Variants in RFTN1 observed in about 807,000 individuals in gnomAD.
RFTN1 encodes the protein raftlin.
A neutral mutation model predicts 46.5 loss-of-function variants in RFTN1; 26 were observed. The observed-to-expected ratio is 0.56, with a 90% CI of 0.41 to 0.78. The LOEUF (loss-of-function observed/expected upper bound fraction) is 0.78, where lower values mean the gene tolerates loss of function less well. RFTN1 is among the 30% of genes least tolerant of loss of function. RFTN1 has a pLI of 0.00. For missense variants in RFTN1, 693 were observed against 718.7 expected (o/e 0.96, Z 0.41); for synonymous variants, 261 against 284.2 (o/e 0.92, Z 0.82).
rs1253725811 is a variant in RFTN1 at position 16,474,982 on chromosome 3, G to A, written c.145+18743C>T. On this transcript the variant is annotated intron_variant, in intron 2 of 9. Coordinates refer to ENST00000334133, the MANE Select transcript of RFTN1 (RefSeq NM_015150.2). The surrounding 1 kb of genome is among the most constrained non-coding windows in gnomAD (Gnocchi z 5.5). ...TATTTGATCTCCCACGTTGGAGGTG[G>A]GGCCTAGTGGGAGGTGTTTGGGTCA... Among the ~76,000 whole-genome samples, 4 of 152,186 alleles carry A rather than the reference G, an allele frequency of 2.6e-5. No homozygotes were observed. Among genetic ancestry groups the A allele is most frequent in the Non-Finnish European group, 5.9e-5 (4 of 68,032 alleles).
chr3:16,351,746 A>G lies in RFTN1; in HGVS notation c.1146+6186T>C, dbSNP rs920919791. 6.6e-6 allele frequency among the ~76,000 whole-genome samples: 1 copy of G among 152,208 alleles called. No homozygotes were observed. The highest frequency in any genetic ancestry group is 2.4e-5 in the African/African-American group (1 of 41,454). The stretch of plus-strand genomic sequence containing the variant: ...ATTTAAATGATTTAAAAGCATATAA[A>G]CTATAAGTGCAAAAACAAGTTGTTT... On this transcript the variant is annotated intron_variant, in intron 7 of 9. Coordinates refer to ENST00000334133, the MANE Select transcript of RFTN1 (RefSeq NM_015150.2). This position sits in a 1 kb window ranked among gnomAD's most constrained non-coding sequence, Gnocchi z 5.4.
At position 16,475,411 on chromosome 3, in the gene RFTN1, G is replaced by A. The variant is rs972402699; in HGVS notation, c.145+18314C>T. On this transcript the variant is annotated intron_variant, in intron 2 of 9. Coordinates refer to ENST00000334133, the MANE Select transcript of RFTN1 (RefSeq NM_015150.2). The surrounding 1 kb of genome is among the most constrained non-coding windows in gnomAD (Gnocchi z 4.2). The stretch of plus-strand genomic sequence containing the variant: ...CAAGAGAGGAATGCTTCCTCCAGGA[G>A]ACACTGCAATGGTTTTACTGAACTA... 1.3e-5 allele frequency among the ~76,000 whole-genome samples: 2 copies of A among 152,206 alleles called. No individual in the cohort carries two copies. The highest frequency in any genetic ancestry group is 4.8e-5 in the African/African-American group (2 of 41,450).
intron 6 of RFTN1, among the ~76,000 whole-genome samples, chr3:16,366,250 C>G (rs1274643750): frequency 6.6e-6 from 1 of 151,344 alleles, no homozygotes; most frequent in Admixed American, 6.6e-5. Flanking sequence ...AAATCAGCCT[C>G]CTCGCTGGGT....
At chr3:16,430,171 A>G (rs911394370) in intron 3 of RFTN1, among the ~76,000 whole-genome samples, 7 of 152,116 alleles carry the variant, frequency 4.6e-5, no homozygotes, top group African/African-American at 7.2e-5. Flanking sequence ...GAAGTGCAAT[A>G]ACACAGTCAC....
rs540104859 is a variant in RFTN1 at position 16,335,776 on chromosome 3, TAAAA to T, written c.1147-8904_1147-8901del. ...ATCCTGCACTTGCACCCTGGAACTT[TAAAA>T]AAAAAAAAAAAAAAAGGAGTTTGAT... On this transcript the variant is annotated intron_variant, in intron 7 of 9. Transcript: ENST00000334133. This position sits in a 1 kb window ranked among gnomAD's most constrained non-coding sequence, Gnocchi z 4.7. Among the ~76,000 whole-genome samples, 303 of 136,644 alleles carry T rather than the reference TAAAA, an allele frequency of 2.2e-3. 4 individuals are homozygous for T. The highest frequency in any genetic ancestry group is 5.9e-3 in the African/African-American group (222 of 37,772). The allele number at this position is 136,644 out of a possible 152,430, so 89.6% of individuals were successfully genotyped here.
intron 7 of RFTN1, among the ~76,000 whole-genome samples, chr3:16,354,597 TG>T (rs2072309595): frequency 6.6e-6 from 1 of 152,242 alleles, no homozygotes; most frequent in Admixed American, 6.5e-5. Flanking sequence ...TTCGTTGTCT[TG>T]GTGAATAGCA....
intron 2 of RFTN1, among the ~76,000 whole-genome samples, chr3:16,439,357 A>C (rs1226478700): frequency 1.3e-5 from 2 of 152,218 alleles, no homozygotes; most frequent in African/African-American, 4.8e-5. Flanking sequence ...CCTACTTATC[A>C]GAGTAACCTC....
At chr3:16,326,641 T>G in intron 8 of RFTN1, 132 bp downstream of exon 8, 1 of 669,166 alleles carries the variant, frequency 1.5e-6, no homozygotes, top group Non-Finnish European at 2.5e-6. Context: ...TGCTTCCCAG[T>G]GGGAGAGTTT....
intron 2 of RFTN1, among the ~76,000 whole-genome samples, chr3:16,471,744 G>T (rs2076199578): frequency 6.6e-6 from 1 of 152,138 alleles, no homozygotes; most frequent in Admixed American, 6.5e-5. Flanking sequence ...TTATAGCTCT[G>T]TCATGGCACA....
At chr3:16,469,818 TAGGACAA>T (rs563049046) in intron 2 of RFTN1, among the ~76,000 whole-genome samples, 182 of 152,268 alleles carry the variant, frequency 1.2e-3, no homozygotes, top group African/African-American at 4.2e-3. Flanking sequence ...CAGGGGAAGA[TAGGACAA>T]ACAATCACAG....
Position 16,353,881 on chromosome 3 carries a change from A to G in RFTN1, c.1146+4051T>C, listed in dbSNP as rs570977642. On this transcript the variant is annotated intron_variant, in intron 7 of 9. Transcript: ENST00000334133. The surrounding 1 kb of genome is among the most constrained non-coding windows in gnomAD (Gnocchi z 5.4). ...CTTGATCTTGGACTTTTCAGCCTCC[A>G]GAACTGAGAGGAAAGAAATTTCTGT... is the stretch of plus-strand genomic sequence containing the variant. Among the ~76,000 whole-genome samples the G allele has an allele frequency of 1.1e-3, 171 of 152,312 alleles. No individual in the cohort carries two copies. Among genetic ancestry groups the G allele is most frequent in the African/African-American group, 4.0e-3 (167 of 41,568 alleles).
chr3:16,335,776 TAAAAA>T lies in RFTN1; in HGVS notation c.1147-8905_1147-8901del, dbSNP rs540104859. 1.1e-4 allele frequency among the ~76,000 whole-genome samples: 15 copies of T among 136,662 alleles called. No homozygotes were observed. The highest frequency in any genetic ancestry group is 1.6e-4 in the Non-Finnish European group (10 of 62,540). 89.7% of individuals were successfully genotyped at this position (136,662 alleles called of 152,430 possible). On this transcript the variant is annotated intron_variant, in intron 7 of 9. Coordinates refer to ENST00000334133, the MANE Select transcript of RFTN1 (RefSeq NM_015150.2). This position sits in a 1 kb window ranked among gnomAD's most constrained non-coding sequence, Gnocchi z 4.7. ...ATCCTGCACTTGCACCCTGGAACTT[TAAAAA>T]AAAAAAAAAAAAAAGGAGTTTGATC...
intron 6 of RFTN1, among the ~76,000 whole-genome samples, chr3:16,359,034 AAAAAAAAAAAAAAAAAAAG>A (rs2072657249): frequency 7.4e-6 from 1 of 135,910 alleles, no homozygotes; most frequent in Non-Finnish European, 1.6e-5. Flanking sequence ...TCTGTCTCCA[AAAAAAAAAAAAAAAAAAAG>A]AAATACTGAA....
rs1316145655 is a variant in RFTN1 at position 16,468,874 on chromosome 3, G to A, written c.145+24851C>T. ...GACACAGCCAGAAAAGGGTACGTAT[G>A]CTTCCCCTTCCTGTGGCTGGCCCAT... is the stretch of plus-strand genomic sequence containing the variant. On this transcript the variant is annotated intron_variant, in intron 2 of 9. Coordinates refer to ENST00000334133, the MANE Select transcript of RFTN1 (RefSeq NM_015150.2). This position sits in a 1 kb window ranked among gnomAD's most constrained non-coding sequence, Gnocchi z 4.4. Among the ~76,000 whole-genome samples, 2 of 152,222 alleles carry A rather than the reference G, an allele frequency of 1.3e-5. No individual in the cohort carries two copies. The highest frequency in any genetic ancestry group is 2.9e-5 in the Non-Finnish European group (2 of 68,036).
At position 16,337,585 on chromosome 3, in the gene RFTN1, T is replaced by C. The variant is rs1032560114; in HGVS notation, c.1147-10709A>G. On this transcript the variant is annotated intron_variant, in intron 7 of 9. Transcript: ENST00000334133. The surrounding 1 kb of genome is among the most constrained non-coding windows in gnomAD (Gnocchi z 5.0). ...GGTGAAACCTCGTCTCTACTAAAAA[T>C]ACAAAAATTAGCCAAGCATGGTGGC... is the stretch of plus-strand genomic sequence containing the variant. Among the ~76,000 whole-genome samples, 39 of 151,568 alleles carry C rather than the reference T, an allele frequency of 2.6e-4. No individual in the cohort carries two copies. Among genetic ancestry groups the C allele is most frequent in the African/African-American group, 8.5e-4 (35 of 41,292 alleles).
At chr3:16,328,905 T>C (rs1015242449) in intron 7 of RFTN1, among the ~76,000 whole-genome samples, 2 of 152,210 alleles carry the variant, frequency 1.3e-5, no homozygotes, top group South Asian at 2.1e-4. Flanking sequence ...GAAAAAAATA[T>C]ATATTTTTAA....
chr3:16,377,672 A>G (rs1316415980), intron 5 of RFTN1, 46 bp downstream of exon 5: 1 of 1,530,512 alleles, frequency 6.5e-7, no homozygotes. Context: ...AAAAGCTGTT[A>G]GCTGCTCTTT....
In RFTN1 at chr3:16,346,656, T is replaced by C. The variant is rs1349879904; in HGVS notation, c.1146+11276A>G. On this transcript the variant is annotated intron_variant, in intron 7 of 9. Transcript: ENST00000334133. This position sits in a 1 kb window ranked among gnomAD's most constrained non-coding sequence, Gnocchi z 4.4. ...GTGGCATGGGTCTGTGACTCAGTCC[T>C]GGCCAATGAGACCTGAGGAAATCTC... is the stretch of plus-strand genomic sequence containing the variant. Among the ~76,000 whole-genome samples the C allele has an allele frequency of 1.3e-5, 2 of 152,210 alleles. No homozygotes were observed. Among genetic ancestry groups the C allele is most frequent in the African/African-American group, 4.8e-5 (2 of 41,460 alleles).
At chr3:16,423,077 A>G (rs1352239166) in intron 3 of RFTN1, among the ~76,000 whole-genome samples, 1 of 152,034 alleles carries the variant, frequency 6.6e-6, no homozygotes, top group Non-Finnish European at 1.5e-5. Flanking sequence ...CTGAGGCAGG[A>G]GAATGGCGAG....
Sources: allele counts gnomAD v4.1 joint callset (sites outside exome capture counted in the v4.1 genomes callset), GRCh38; gene constraint gnomAD v4.1.1; non-coding constraint Gnocchi (gnomAD v3.1); transcripts MANE v1.5; gene names NCBI Gene and HGNC (gene_info 2026-07-23, HGNC 2026-07-21).